Variants in NOX4 observed in about 807,000 individuals in gnomAD.
NOX4 encodes the protein kidney oxidase-1.
A neutral mutation model predicts 87.6 loss-of-function variants in NOX4; 69 were observed. That is an observed-to-expected ratio of 0.79 (90% confidence interval 0.65 to 0.96). The LOEUF (loss-of-function observed/expected upper bound fraction) is 0.96, where lower values mean the gene tolerates loss of function less well. Among genes scored for constraint, NOX4 ranks in the 40% least tolerant of loss-of-function variants. NOX4 has a pLI of 0.00. For synonymous variants in NOX4, 275 were observed against 238.2 expected, an observed-to-expected ratio of 1.15 and a Z score of -1.42; for missense variants, 680 against 681.5, an observed-to-expected ratio of 1.00 and a Z score of 0.02.
At chr11:89,527,121 C>T in the NOX4 span, among the ~76,000 whole-genome samples, 18 of 152,104 alleles carry the variant, frequency 1.2e-4, no homozygotes, top group South Asian at 6.2e-4. Flanking sequence ...TTTGCCCCTA[C>T]GCTAGAAATA....
intron 6 of NOX4, among the ~76,000 whole-genome samples, chr11:89,438,797 A>AC (rs1944258568): frequency 1.7e-5 from 1 of 58,666 alleles, no homozygotes; most frequent in African/African-American, 7.4e-5. Flanking sequence ...ATAGTGTATA[A>AC]TATATTATAT....
the NOX4 span, among the ~76,000 whole-genome samples, chr11:89,537,506 A>G: frequency 6.6e-6 from 1 of 152,088 alleles, no homozygotes; most frequent in East Asian, 1.9e-4. Context: ...GGTATATAAA[A>G]ATTGTACTAA....
chr11:89,457,036 G>T (rs1333426783), intron 2 of NOX4, among the ~76,000 whole-genome samples: 2 of 152,108 alleles, frequency 1.3e-5, no homozygotes, highest in Admixed American at 6.5e-5. Context: ...CTTCCCAGGG[G>T]TTATCATCAT....
chr11:89,394,531 C>A (rs1055190190), intron 11 of NOX4, among the ~76,000 whole-genome samples: 1 of 151,962 alleles, frequency 6.6e-6, no homozygotes, highest in African/African-American at 2.4e-5. Flanking sequence ...ATTTTAAGTT[C>A]TAGGGTACAC....
At chr11:89,426,946 G>A (rs541949363) in intron 7 of NOX4, among the ~76,000 whole-genome samples, 6 of 152,278 alleles carry the variant, frequency 3.9e-5, no homozygotes, top group South Asian at 2.1e-4. Flanking sequence ...CCTGACCCCC[G>A]AGTAGCCTAA....
intron 2 of NOX4, among the ~76,000 whole-genome samples, chr11:89,452,115 A>G (rs569994116): frequency 1.3e-5 from 2 of 152,284 alleles, no homozygotes; most frequent in Admixed American, 1.3e-4. Flanking sequence ...TACTCCTCTC[A>G]TTAATGCTAA....
the NOX4 span, among the ~76,000 whole-genome samples, chr11:89,536,847 T>G: frequency 6.6e-6 from 1 of 152,202 alleles, no homozygotes; most frequent in Admixed American, 6.5e-5. Flanking sequence ...GCCCAATGTA[T>G]GAAGCCAAAA....
At chr11:89,431,560 C>G (rs1242185699) in intron 7 of NOX4, among the ~76,000 whole-genome samples, 1 of 152,136 alleles carries the variant, frequency 6.6e-6, no homozygotes, top group African/African-American at 2.4e-5. Context: ...AGACACCTCT[C>G]AAAAGAAGAC....
At chr11:89,460,503 G>C (rs892908622) in intron 2 of NOX4, among the ~76,000 whole-genome samples, 1 of 152,158 alleles carries the variant, frequency 6.6e-6, no homozygotes, top group Admixed American at 6.6e-5. Context: ...CGAAGGATAT[G>C]AACAGACACT....
chr11:89,554,452 T>G, the NOX4 span, among the ~76,000 whole-genome samples: 2 of 152,162 alleles, frequency 1.3e-5, no homozygotes, highest in African/African-American at 4.8e-5. Context: ...CTCATTATTC[T>G]TCTCTTACTG....
chr11:89,371,285 C>T (rs1253846841), intron 12 of NOX4, among the ~76,000 whole-genome samples: 1 of 151,840 alleles, frequency 6.6e-6, no homozygotes, highest in African/African-American at 2.4e-5. Context: ...AAGTCAACAA[C>T]AAAGAAGGTC....
At chr11:89,390,868 C>A (rs1328585713) in intron 11 of NOX4, among the ~76,000 whole-genome samples, 2 of 152,112 alleles carry the variant, frequency 1.3e-5, no homozygotes, top group Admixed American at 1.3e-4. Flanking sequence ...AAATATTAGA[C>A]TTTAATTAAA....
chr11:89,586,479 C>G, the NOX4 span, among the ~76,000 whole-genome samples: 2 of 152,092 alleles, frequency 1.3e-5, no homozygotes, highest in Non-Finnish European at 2.9e-5. Context: ...GAGTATAGGC[C>G]TGCCAAACAC....
chr11:89,570,641 G>A, the NOX4 span, among the ~76,000 whole-genome samples: 4 of 152,162 alleles, frequency 2.6e-5, no homozygotes, highest in East Asian at 5.8e-4. Flanking sequence ...AGGCCACCCT[G>A]GGCAACATAG....
In NOX4 at chr11:89,324,872, G is replaced by C. The variant is rs1945158920; in HGVS notation, c.*1884C>G. Reference sequence around the variant, plus strand: ...TGGGTTCATCTTCTTTCCATAGAAAGGAGAATTTCAAGGAAAGGAAGAAAT... The same window carrying C: ...TGGGTTCATCTTCTTTCCATAGAAACGAGAATTTCAAGGAAAGGAAGAAAT... On this transcript the variant is annotated 3_prime_UTR_variant, in exon 18 of 18. Transcript: ENST00000263317. The C allele has an allele frequency of 6.6e-6, 1 of 152,058 alleles. No homozygotes were observed. Among genetic ancestry groups the C allele is most frequent in the Admixed American group, 6.6e-5 (1 of 15,256 alleles). 9.4% of individuals were successfully genotyped at this position (152,058 alleles called of 1,614,324 possible).
In NOX4 at chr11:89,388,373, G is replaced by C. The variant is rs754347835; in HGVS notation, c.1074+11644C>G. Among the ~76,000 whole-genome samples the C allele has an allele frequency of 4.2e-4, 64 of 152,002 alleles. 1 individual carries two copies. The highest frequency in any genetic ancestry group is 7.4e-4 in the Non-Finnish European group (50 of 68,012). On this transcript the variant is annotated intron_variant, in intron 11 of 17. Transcript: ENST00000263317. ...CACAGAACAAAGCTTCCTTGCCTAT[G>C]TCTAAGTGCCTCACCATGGAGGTAT... is the stretch of plus-strand genomic sequence containing the variant.
intron 13 of NOX4, among the ~76,000 whole-genome samples, chr11:89,346,628 C>A (rs1431171750): frequency 3.3e-5 from 5 of 149,256 alleles, no homozygotes; most frequent in African/African-American, 1.0e-4. Flanking sequence ...GTGGCTACAT[C>A]CCCAACTTGT....
rs1306630629 is a variant in NOX4 at position 89,440,772 on chromosome 11, T to C, written c.448-57A>G. 3.2e-5 allele frequency: 32 copies of C among 1,007,866 alleles called. 1 individual carries two copies. In the South Asian group the frequency reaches 4.7e-4, roughly 15 times the overall value. The allele number at this position is 1,007,866 out of a possible 1,614,324, so 62.4% of individuals were successfully genotyped here. Reference sequence around the variant, plus strand: ...AAACTAAAGCACTGATGATATATAATTCTATAAAGAGTATGCAGGATCTAC... The same window carrying C: ...AAACTAAAGCACTGATGATATATAACTCTATAAAGAGTATGCAGGATCTAC... On this transcript the variant is annotated intron_variant, in intron 5 of 17. Coordinates refer to ENST00000263317, the MANE Select transcript of NOX4 (RefSeq NM_016931.5).
intron 4 of NOX4, among the ~76,000 whole-genome samples, chr11:89,447,376 C>T (rs1377097566): frequency 1.3e-5 from 2 of 152,042 alleles, no homozygotes. Flanking sequence ...TAGGTAACAG[C>T]TATAGAAAAT....
Sources: gnomAD v4.1 joint callset for allele counts (sites outside exome capture counted in the v4.1 genomes callset) on GRCh38, gnomAD v4.1.1 for gene constraint, MANE v1.5 for transcripts, NCBI Gene and HGNC (gene_info 2026-07-23, HGNC 2026-07-21) for gene names.